Variants in DMD observed in about 807,000 individuals in gnomAD.
DMD encodes the protein dystrophin.
In DMD, 63 loss-of-function variants were observed where a neutral mutation model predicts 330.1. That is an observed-to-expected ratio of 0.19 (90% confidence interval 0.16 to 0.24). The LOEUF (loss-of-function observed/expected upper bound fraction) is 0.24, where lower values mean the gene tolerates loss of function less well. Among genes scored for constraint, DMD ranks in the 10% least tolerant of loss-of-function variants. DMD has a pLI of 1.00. For missense variants in DMD, 3,344 were observed against 2,684.1 expected (o/e 1.25, Z -5.43); for synonymous variants, 1,223 against 959.8 (o/e 1.27, Z -5.07).
intron 29 of DMD, among the ~76,000 whole-genome samples, chrX:32,435,373 G>T (rs1202598905): frequency 9.7e-6 from 1 of 102,865 alleles, no homozygotes; most frequent in Non-Finnish European, 2.0e-5. Flanking sequence ...AAATAAAAAG[G>T]CTGATCATGT....
intron 41 of DMD, among the ~76,000 whole-genome samples, chrX:32,330,392 T>C (rs1446330366): frequency 1.8e-5 from 2 of 111,908 alleles, no homozygotes; most frequent in African/African-American, 6.5e-5. Context: ...ATATGTTCCA[T>C]ACAATGAGAG....
chrX:32,500,246 G>A (rs61104438), intron 19 of DMD, among the ~76,000 whole-genome samples: 1 of 110,966 alleles, frequency 9.0e-6, no homozygotes, highest in Non-Finnish European at 1.9e-5. Flanking sequence ...CCTTAATTTT[G>A]CTTTTCTAAA....
At chrX:32,596,006 C>T (rs1239811227) in intron 12 of DMD, 130 bp from the exon 13 acceptor site, 11 of 566,737 alleles carry the variant, frequency 1.9e-5, no homozygotes, top group Non-Finnish European at 2.9e-5. Flanking sequence ...TAACCTAAAA[C>T]CATTCCAAGC....
At chrX:31,899,505 T>C (rs1393034004) in intron 47 of DMD, among the ~76,000 whole-genome samples, 1 of 110,931 alleles carries the variant, frequency 9.0e-6, no homozygotes, top group Admixed American at 9.6e-5. Flanking sequence ...CGTGTGAAAA[T>C]TGAAGAAAAT....
At chrX:32,106,906 T>A (rs750154712) in intron 44 of DMD, among the ~76,000 whole-genome samples, 344 of 112,196 alleles carry the variant, frequency 3.1e-3, no homozygotes, top group Admixed American at 5.3e-3. Flanking sequence ...TTGTGCCAAA[T>A]CTTACATGTA....
chrX:31,500,814 C>A (rs16989676), intron 56 of DMD, among the ~76,000 whole-genome samples: 2,912 of 112,006 alleles, frequency 0.026, 98 homozygotes, highest in African/African-American at 0.09. Context: ...AAAAACATAA[C>A]TTGAGCTGTC....
chrX:32,148,354 A>C (rs1333983649), intron 44 of DMD, among the ~76,000 whole-genome samples: 2 of 111,671 alleles, frequency 1.8e-5, no homozygotes, highest in Admixed American at 1.9e-4. Context: ...AACATTGTTA[A>C]AGAATTTGAA....
chrX:32,539,443 G>A (rs994466496), intron 17 of DMD, among the ~76,000 whole-genome samples: 1 of 110,545 alleles, frequency 9.0e-6, no homozygotes, highest in Admixed American at 9.7e-5. Context: ...TCTATGGGCT[G>A]TGCCAATAGG....
chrX:31,811,062 G>C (rs1360240288), intron 50 of DMD, among the ~76,000 whole-genome samples: 1 of 111,931 alleles, frequency 8.9e-6, no homozygotes, highest in Non-Finnish European at 1.9e-5. Flanking sequence ...TGATGAACTA[G>C]AGTTTCTCTT....
Position 33,288,220 on chromosome X carries a change from A to T in DMD, c.7+51039T>A, listed in dbSNP as rs192811081. On this transcript the variant is annotated intron_variant, in intron 1 of 17. Transcript: ENST00000288447. Reference sequence around the variant, plus strand: ...AGGGTAAGGTAAAAATAAAGATTTTACTTTCTATAACTAGGCAGATCTCAC... The same window carrying T: ...AGGGTAAGGTAAAAATAAAGATTTTTCTTTCTATAACTAGGCAGATCTCAC... Among the ~76,000 whole-genome samples, 778 of 111,769 alleles carry T rather than the reference A, an allele frequency of 7.0e-3. 5 individuals are homozygous for T. The highest frequency in any genetic ancestry group is 0.019 in the Middle Eastern group (4 of 216).
chrX:32,993,750 C>T (rs912595167), intron 2 of DMD, among the ~76,000 whole-genome samples: 3 of 110,929 alleles, frequency 2.7e-5, no homozygotes, highest in Admixed American at 1.9e-4. Context: ...ATCAAGAGTG[C>T]TCACTTTTTC....
chrX:32,457,704 C>T (rs1435782254), intron 25 of DMD, among the ~76,000 whole-genome samples: 3 of 53,515 alleles, frequency 5.6e-5, no homozygotes, highest in African/African-American at 2.2e-4. Flanking sequence ...AAACAAGAAG[C>T]TAGTTTTTTG....
chrX:32,521,396 T>C (rs1353935774), intron 17 of DMD, among the ~76,000 whole-genome samples: 1 of 112,048 alleles, frequency 8.9e-6, no homozygotes, highest in African/African-American at 3.2e-5. Flanking sequence ...TGCCTTCTAT[T>C]TCTATGACCA....
chrX:31,151,550 T>C (rs1180882997), intron 74 of DMD, among the ~76,000 whole-genome samples: 3 of 112,352 alleles, frequency 2.7e-5, no homozygotes, highest in Non-Finnish European at 5.6e-5. Context: ...TTTTATGATT[T>C]ATTTATAAGG....
chrX:32,741,291 G>C (rs943276350), intron 7 of DMD, among the ~76,000 whole-genome samples: 9 of 111,513 alleles, frequency 8.1e-5, no homozygotes, highest in African/African-American at 2.3e-4. Flanking sequence ...TAGGTCAAAA[G>C]TTTTCATGAG....
intron 2 of DMD, among the ~76,000 whole-genome samples, chrX:32,933,805 C>T (rs773201873): frequency 2.0e-4 from 22 of 111,662 alleles, no homozygotes; most frequent in Admixed American, 1.6e-3. Context: ...CTAAATACCC[C>T]CTGGTCCTAA....
intron 19 of DMD, among the ~76,000 whole-genome samples, chrX:32,495,310 T>A (rs2043384047): frequency 8.9e-6 from 1 of 111,850 alleles, no homozygotes; most frequent in Non-Finnish European, 1.9e-5. Flanking sequence ...AGAGTATAAC[T>A]ACACTGTACT....
intron 7 of DMD, among the ~76,000 whole-genome samples, chrX:32,770,462 C>T (rs1312991223): frequency 1.8e-5 from 2 of 111,419 alleles, no homozygotes; most frequent in Non-Finnish European, 3.8e-5. Flanking sequence ...AAAATGTTTA[C>T]GTGTTCTTGG....
At chrX:31,151,303 C>A (rs1055602153) in intron 74 of DMD, among the ~76,000 whole-genome samples, 17 of 112,541 alleles carry the variant, frequency 1.5e-4, no homozygotes, top group Non-Finnish European at 2.8e-4. Context: ...ACAAAATGTT[C>A]TAACTGGCAA....
Sources: allele counts gnomAD v4.1 joint callset (sites outside exome capture counted in the v4.1 genomes callset), GRCh38; gene constraint gnomAD v4.1.1; transcripts MANE v1.5; gene names NCBI Gene and HGNC (gene_info 2026-07-23, HGNC 2026-07-21).